UBR3: variants seen among roughly 807,000 people sequenced by gnomAD.
UBR3 encodes E3 ubiquitin-protein ligase UBR3.
In UBR3, 85 loss-of-function variants were observed where a neutral mutation model predicts 243.2. That is an observed-to-expected ratio of 0.35 (90% CI 0.29 to 0.42). The LOEUF (loss-of-function observed/expected upper bound fraction) is 0.42. Ranked by LOEUF, UBR3 falls within the 10% of genes least tolerant of loss-of-function variation. UBR3 has a pLI of 1.00. For synonymous variants in UBR3, 748 were observed against 799.8 expected, an observed-to-expected ratio of 0.94 and a Z score of 1.09; for missense variants, 1,686 against 2,300.8, an observed-to-expected ratio of 0.73 and a Z score of 5.47.
At chr2:169,960,250 A>AT in intron 24 of UBR3, among the ~76,000 whole-genome samples, 1 of 151,858 alleles carries the variant, frequency 6.6e-6, no homozygotes, top group Admixed American at 6.6e-5. Context: ...AAAAAAAAAA[A>AT]AAAAAAGATT....
rs146065081 is a variant in UBR3 at position 170,081,364 on chromosome 2, G to A, written c.5550-362G>A. On this transcript the variant is annotated intron_variant, in intron 38 of 38. Coordinates refer to ENST00000272793, the MANE Select transcript of UBR3 (RefSeq NM_172070.4). ...AAATACAAAAAATTAGCCGGGTGTG[G>A]TGGCGGGCCCCTATAGTCCCAGCTA... is the stretch of plus-strand genomic sequence containing the variant. Among the ~76,000 whole-genome samples, 1,196 of 152,152 alleles carry A rather than the reference G, an allele frequency of 7.9e-3. 15 individuals are homozygous for A. Among genetic ancestry groups the A allele is most frequent in the African/African-American group, 0.026 (1,082 of 41,494 alleles).
intron 8 of UBR3, among the ~76,000 whole-genome samples, chr2:169,898,923 G>A (rs1353857673): frequency 1.3e-5 from 2 of 151,770 alleles, no homozygotes; most frequent in Non-Finnish European, 2.9e-5. Context: ...GGATGGTCTC[G>A]ATATCCTAAC....
chr2:169,946,878 G>A (rs2086808228), intron 21 of UBR3, among the ~76,000 whole-genome samples: 1 of 152,008 alleles, frequency 6.6e-6, no homozygotes, highest in Admixed American at 6.6e-5. Context: ...TGAAGGTAAT[G>A]GCATGAATAT....
At chr2:169,852,098 A>G (rs1205822466) in intron 1 of UBR3, among the ~76,000 whole-genome samples, 1 of 152,152 alleles carries the variant, frequency 6.6e-6, no homozygotes, top group East Asian at 1.9e-4. Context: ...CTGCCTGTTT[A>G]TAGATGGGCA....
chr2:169,929,401 C>A (rs190168326), intron 18 of UBR3, among the ~76,000 whole-genome samples: 1 of 152,060 alleles, frequency 6.6e-6, no homozygotes, highest in East Asian at 1.9e-4. Flanking sequence ...ATGATGAAAC[C>A]CGTCTCTATT....
intron 1 of UBR3, among the ~76,000 whole-genome samples, chr2:169,870,515 A>G (rs17554232): frequency 0.11 from 17,305 of 151,946 alleles, 1,217 homozygotes; most frequent in Admixed American, 0.19. Flanking sequence ...GTTCATTATC[A>G]TTAACCTTTT....
intron 5 of UBR3, among the ~76,000 whole-genome samples, chr2:169,881,229 G>A (rs1426396018): frequency 6.6e-6 from 1 of 151,840 alleles, no homozygotes; most frequent in Non-Finnish European, 1.5e-5. Context: ...GCTCAGGCTG[G>A]AGTGCAGTGG....
intron 31 of UBR3, among the ~76,000 whole-genome samples, chr2:170,039,075 G>C (rs2090901515): frequency 6.6e-6 from 1 of 152,178 alleles, no homozygotes; most frequent in African/African-American, 2.4e-5. Context: ...TTCAAAAAGA[G>C]TCCTTAGTGA....
intron 1 of UBR3, among the ~76,000 whole-genome samples, chr2:169,830,007 T>G (rs1347863710): frequency 6.6e-6 from 1 of 152,206 alleles, no homozygotes; most frequent in African/African-American, 2.4e-5. Context: ...TTGCATTTTT[T>G]GGTTATCTTA....
At chr2:169,837,882 C>T (rs773153884) in intron 1 of UBR3, among the ~76,000 whole-genome samples, 1 of 152,106 alleles carries the variant, frequency 6.6e-6, no homozygotes. Flanking sequence ...TTTTTTTCCT[C>T]CATTGATCTA....
intron 11 of UBR3, among the ~76,000 whole-genome samples, chr2:169,919,950 C>G (rs185094957): frequency 6.6e-6 from 1 of 152,120 alleles, no homozygotes; most frequent in Non-Finnish European, 1.5e-5. Flanking sequence ...CCCAGCCATC[C>G]CATGACTGGG....
At chr2:170,055,342 A>G in intron 32 of UBR3, 118 bp from the exon 33 acceptor site, 5 of 1,199,278 alleles carry the variant, frequency 4.2e-6, no homozygotes, top group East Asian at 5.2e-5. Context: ...CAAAAAAACT[A>G]TTAAGTGTTG....
chr2:170,001,511 A>T, intron 27 of UBR3, 97 bp downstream of exon 27: 1 of 711,266 alleles, frequency 1.4e-6, no homozygotes, highest in Non-Finnish European at 2.4e-6. Context: ...TCATCTTTTT[A>T]GGTGATTTTG....
intron 5 of UBR3, among the ~76,000 whole-genome samples, chr2:169,882,363 A>G (rs918470565): frequency 1.4e-5 from 2 of 140,502 alleles, no homozygotes; most frequent in African/African-American, 5.2e-5. Context: ...TATATATTAT[A>G]TATGTAAATA....
At chr2:170,041,937 AT>A (rs1487381566) in intron 32 of UBR3, among the ~76,000 whole-genome samples, 1 of 152,204 alleles carries the variant, frequency 6.6e-6, no homozygotes. Flanking sequence ...TTCAATTAAT[AT>A]TTTTTAATCA....
At chr2:170,020,927 A>T (rs558531383) in intron 30 of UBR3, among the ~76,000 whole-genome samples, 1 of 152,198 alleles carries the variant, frequency 6.6e-6, no homozygotes, top group Non-Finnish European at 1.5e-5. Context: ...CTCCTAGTCT[A>T]AATGTTATCT....
chr2:170,038,590 A>G (rs1289892208), intron 31 of UBR3, among the ~76,000 whole-genome samples: 2 of 152,174 alleles, frequency 1.3e-5, no homozygotes, highest in South Asian at 2.1e-4. Context: ...GCAAAGAGGA[A>G]GTAGAGATAG....
At chr2:169,947,832 A>G in intron 22 of UBR3, 117 bp downstream of exon 22, 1 of 1,247,790 alleles carries the variant, frequency 8.0e-7, no homozygotes, top group Non-Finnish European at 1.0e-6. Context: ...AGATAACTTT[A>G]AATTGTCTTT....
At chr2:169,898,422 A>C (rs1195522068) in intron 8 of UBR3, among the ~76,000 whole-genome samples, 6 of 152,192 alleles carry the variant, frequency 3.9e-5, no homozygotes. Context: ...AGTACTTTAT[A>C]TGCATTATAT....
Sources: allele counts gnomAD v4.1 joint callset (sites outside exome capture counted in the v4.1 genomes callset), GRCh38; gene constraint gnomAD v4.1.1; transcripts MANE v1.5; gene names NCBI Gene and HGNC (gene_info 2026-07-23, HGNC 2026-07-21).